Variants in SPG11 observed in about 807,000 individuals in gnomAD.
The protein encoded by SPG11 is SPG11 vesicle trafficking associated, spatacsin.
In SPG11, 222 loss-of-function variants were observed where a neutral mutation model predicts 274.0. The observed-to-expected ratio is 0.81, with a 90% CI of 0.73 to 0.91. The LOEUF (loss-of-function observed/expected upper bound fraction) is 0.91. Among genes scored for constraint, SPG11 ranks in the 40% least tolerant of loss-of-function variants. The pLI, the probability that SPG11 is intolerant of heterozygous loss-of-function variation, is 0.00. For synonymous variants in SPG11, 1,144 were observed against 1,039.7 expected (o/e 1.10, Z -1.93); for missense variants, 3,114 against 2,872.7 (o/e 1.08, Z -1.92).
chr15:44,592,758 T>G (rs915968349), intron 26 of SPG11, among the ~76,000 whole-genome samples: 12 of 152,182 alleles, frequency 7.9e-5, no homozygotes, highest in African/African-American at 2.9e-4. Flanking sequence ...AGGTGGAGGT[T>G]GCAATGAGCC....
rs2084966108 is a variant in SPG11, at chr15:44,657,202, GGCTGGCTCCTGTTGCTGC to G, written c.744_761del (p.Glu248_Ala254delinsAsp). 4.3e-6 allele frequency: 7 copies of G among 1,614,044 alleles called. No individual in the cohort carries two copies. The highest frequency in any genetic ancestry group is 5.1e-6 in the Non-Finnish European group (6 of 1,180,030). ...TCAGTGAAGTAAATGAAGAAATCTT[GGCTGGCTCCTGTTGCTGC>G]TCATTACACATGTCTTCTTTGTGAA... On this transcript the variant is annotated inframe_deletion, in exon 4 of 40. Transcript: ENST00000261866.
intron 12 of SPG11, 108 bp from the exon 13 acceptor site, chr15:44,622,455 A>T (rs972918029): frequency 4.4e-5 from 43 of 974,134 alleles, no homozygotes; most frequent in Admixed American, 8.0e-5. Flanking sequence ...AAAGATTATT[A>T]AAAAAAGTCA....
intron 7 of SPG11, among the ~76,000 whole-genome samples, chr15:44,637,946 C>A (rs1461448701): frequency 6.6e-6 from 1 of 152,068 alleles, no homozygotes; most frequent in Admixed American, 6.6e-5. Flanking sequence ...AGGTGGAAGA[C>A]AGTGATATCG....
At chr15:44,568,482 G>C (rs1323459665) in intron 35 of SPG11, among the ~76,000 whole-genome samples, 1 of 152,166 alleles carries the variant, frequency 6.6e-6, no homozygotes, top group Admixed American at 6.5e-5. Context: ...GGTGAAATGA[G>C]CAGAAGCAAT....
At chr15:44,599,780 T>G (rs1343316758) in intron 21 of SPG11, among the ~76,000 whole-genome samples, 1 of 152,194 alleles carries the variant, frequency 6.6e-6, no homozygotes, top group East Asian at 1.9e-4. Flanking sequence ...AATGCTCCTC[T>G]CAATTCTGTG....
intron 30 of SPG11, among the ~76,000 whole-genome samples, chr15:44,583,106 A>G (rs887722292): frequency 1.3e-5 from 2 of 152,246 alleles, no homozygotes; most frequent in Non-Finnish European, 2.9e-5. Context: ...ATGAATGTCT[A>G]TGTAGAAAAT....
rs200788157 is a variant in SPG11 at position 44,605,986 on chromosome 15, T to G, written c.3520+39A>C. ...ATGTATTAACTTCTGTAGTTAACAC[T>G]GCTAAAACATGTCTCAAGAAGTACC... On this transcript the variant is annotated intron_variant, in intron 20 of 39. Coordinates refer to ENST00000261866, the MANE Select transcript of SPG11 (RefSeq NM_025137.4). 49 of 1,545,738 alleles carry G rather than the reference T, an allele frequency of 3.2e-5. No individual in the cohort carries two copies. In the Middle Eastern group the frequency reaches 6.8e-4, roughly 21 times the overall value.
At chr15:44,572,556 T>C (rs1436994814) in intron 33 of SPG11, 127 bp downstream of exon 33, 6 of 934,490 alleles carry the variant, frequency 6.4e-6, no homozygotes, top group African/African-American at 1.6e-5. Context: ...CAAGAACTTA[T>C]AACTCCTGCT....
chr15:44,657,939 A>C (rs1169797076), intron 3 of SPG11, among the ~76,000 whole-genome samples: 1 of 152,236 alleles, frequency 6.6e-6, no homozygotes. Flanking sequence ...AGGCACGAGA[A>C]TCGCTTGAGC....
chr15:44,650,486 T>C (rs1262060137), intron 6 of SPG11, among the ~76,000 whole-genome samples: 1 of 151,950 alleles, frequency 6.6e-6, no homozygotes, highest in African/African-American at 2.4e-5. Context: ...AGACGTCGTC[T>C]CTACTAAAAA....
intron 34 of SPG11, 131 bp downstream of exon 34, chr15:44,570,394 C>T: frequency 2.6e-6 from 3 of 1,174,836 alleles, no homozygotes; most frequent in Non-Finnish European, 3.6e-6. Context: ...CCAGCCAACT[C>T]TCAAGTAGGT....
intron 11 of SPG11, among the ~76,000 whole-genome samples, 169 bp downstream of exon 11, chr15:44,626,162 G>A (rs2083892404): frequency 6.6e-6 from 1 of 152,126 alleles, no homozygotes; most frequent in East Asian, 1.9e-4. Context: ...ATAGACATGA[G>A]CCACCACACC....
chr15:44,577,413 G>C (rs1022111763), intron 30 of SPG11, among the ~76,000 whole-genome samples: 4 of 150,576 alleles, frequency 2.7e-5, no homozygotes, highest in South Asian at 2.1e-4. Context: ...TGAGGCAGGA[G>C]GACTGCTTGA....
intron 27 of SPG11, 41 bp from the exon 28 acceptor site, chr15:44,589,455 G>A (rs747699044): frequency 1.9e-6 from 3 of 1,612,588 alleles, no homozygotes; most frequent in Non-Finnish European, 1.7e-6. Context: ...GCAGTTTCAT[G>A]AGAATAGCAA....
Position 44,633,642 on chromosome 15 carries a change from A to G in SPG11, c.1603-5T>C, listed in dbSNP as rs2084149728. 2.5e-6 allele frequency: 4 copies of G among 1,612,932 alleles called. No individual in the cohort carries two copies. The highest frequency in any genetic ancestry group is 3.4e-6 in the Non-Finnish European group (4 of 1,179,512). ...CTGACGATTTTCTATCCCGGCCTGA[A>G]ATGAGGAGGAAAATAAAAATCAGAA... On this transcript the variant is annotated splice_polypyrimidine_tract_variant and splice_region_variant and intron_variant, in intron 7 of 39. Transcript: ENST00000261866.
intron 4 of SPG11, among the ~76,000 whole-genome samples, chr15:44,654,636 T>C (rs2084884310): frequency 6.6e-6 from 1 of 152,070 alleles, no homozygotes; most frequent in Non-Finnish European, 1.5e-5. Context: ...GGTCATAAGT[T>C]CAAAACCAGC....
intron 16 of SPG11, among the ~76,000 whole-genome samples, chr15:44,614,565 G>A (rs1228234353): frequency 6.6e-6 from 1 of 152,146 alleles, no homozygotes; most frequent in African/African-American, 2.4e-5. Flanking sequence ...AAATAAAAAT[G>A]TTGCCTATGA....
intron 7 of SPG11, among the ~76,000 whole-genome samples, chr15:44,638,139 C>G (rs933957500): frequency 1.1e-4 from 16 of 152,164 alleles, no homozygotes; most frequent in African/African-American, 3.9e-4. Context: ...ATTCAACGGA[C>G]CTGTATTATT....
intron 8 of SPG11, among the ~76,000 whole-genome samples, chr15:44,633,290 A>ACT (rs1463540641): frequency 1.6e-5 from 2 of 124,886 alleles, no homozygotes; most frequent in Non-Finnish European, 1.6e-5. Flanking sequence ...TCATCACCGC[A>ACT]CTCCAGCCTA....
Sources: allele counts gnomAD v4.1 joint callset (sites outside exome capture counted in the v4.1 genomes callset), GRCh38; gene constraint gnomAD v4.1.1; transcripts MANE v1.5; gene names NCBI Gene and HGNC (gene_info 2026-07-23, HGNC 2026-07-21).